Variants in CDS1 observed in about 807,000 individuals in gnomAD.
The protein encoded by CDS1 is phosphatidate cytidylyltransferase 1.
CDS1 carries 41 observed loss-of-function variants against 62.1 expected under a neutral mutation model. That is an observed-to-expected ratio of 0.66 (90% CI 0.51 to 0.86). The LOEUF (loss-of-function observed/expected upper bound fraction) is 0.86. Among genes scored for constraint, CDS1 ranks in the 40% least tolerant of loss-of-function variants. CDS1 has a pLI of 0.00. For missense variants in CDS1, 470 were observed against 550.1 expected (o/e 0.85, Z 1.46); for synonymous variants, 185 against 192.6 (o/e 0.96, Z 0.32).
intron 1 of CDS1, among the ~76,000 whole-genome samples, chr4:84,589,825 T>C (rs968137273): frequency 6.6e-5 from 10 of 152,080 alleles, no homozygotes; most frequent in African/African-American, 2.4e-4. Flanking sequence ...TTTTGTTTTG[T>C]TTTGAGACGG....
intron 7 of CDS1, among the ~76,000 whole-genome samples, chr4:84,635,016 A>G (rs1460324035): frequency 5.3e-5 from 3 of 56,462 alleles, no homozygotes; most frequent in Non-Finnish European, 9.4e-5. Flanking sequence ...GTAGAAATCA[A>G]TAATTTAATA....
At chr4:84,619,807 T>C (rs1224414315) in intron 5 of CDS1, among the ~76,000 whole-genome samples, 1 of 151,740 alleles carries the variant, frequency 6.6e-6, no homozygotes, top group Non-Finnish European at 1.5e-5. Context: ...CTGAGGCAGG[T>C]GGAACATCTG....
intron 1 of CDS1, among the ~76,000 whole-genome samples, chr4:84,601,172 C>CAA (rs59688950): frequency 2.1e-3 from 183 of 88,250 alleles, no homozygotes; most frequent in African/African-American, 7.6e-3. Flanking sequence ...GACCCTGTCT[C>CAA]AAAAAAAAAA....
intron 3 of CDS1, among the ~76,000 whole-genome samples, chr4:84,614,529 T>A (rs1723427425): frequency 1.3e-5 from 2 of 152,148 alleles, no homozygotes; most frequent in Non-Finnish European, 2.9e-5. Context: ...GTGGGAGTAT[T>A]TTCTTAGAAA....
chr4:84,635,680 T>G (rs373822066), intron 8 of CDS1, among the ~76,000 whole-genome samples: 1 of 72,656 alleles, frequency 1.4e-5, no homozygotes, highest in South Asian at 6.0e-4. Context: ...CCTTCCTTCC[T>G]TCCTTCCTTC....
At chr4:84,584,591 T>G (rs1722360026) in intron 1 of CDS1, among the ~76,000 whole-genome samples, 1 of 152,198 alleles carries the variant, frequency 6.6e-6, no homozygotes, top group African/African-American at 2.4e-5. Flanking sequence ...CAGTTCTGAT[T>G]TGGGGAGGAT....
intron 1 of CDS1, among the ~76,000 whole-genome samples, chr4:84,592,293 T>C (rs965146866): frequency 1.3e-4 from 19 of 148,308 alleles, no homozygotes; most frequent in African/African-American, 4.7e-4. Context: ...CACCTCAGCC[T>C]CCCAAGTAGC....
chr4:84,635,214 A>C (rs1724141115), intron 7 of CDS1, 50 bp from the exon 8 acceptor site: 1 of 876,736 alleles, frequency 1.1e-6, no homozygotes, highest in East Asian at 2.4e-5. Flanking sequence ...TCTGCCACTT[A>C]CTCAGGTGAA....
At chr4:84,642,982 A>T (rs974741269) in intron 10 of CDS1, 42 bp from the exon 11 acceptor site, 1 of 1,569,520 alleles carries the variant, frequency 6.4e-7, no homozygotes, top group Non-Finnish European at 8.7e-7. Context: ...ATACAATTTC[A>T]GTGAAATTAG....
chr4:84,637,487 A>G (rs1724249109), intron 8 of CDS1, among the ~76,000 whole-genome samples: 2 of 152,052 alleles, frequency 1.3e-5, no homozygotes, highest in Admixed American at 1.3e-4. Flanking sequence ...CTTTTCAACA[A>G]CCAGATATCA....
chr4:84,606,580 A>G (rs1301683631), intron 2 of CDS1, among the ~76,000 whole-genome samples: 2 of 152,156 alleles, frequency 1.3e-5, no homozygotes, highest in African/African-American at 2.4e-5. Flanking sequence ...ATACCTCTAC[A>G]TTAAACATTT....
At position 84,617,662 on chromosome 4, in the gene CDS1, G is replaced by C. The variant is rs1723539988; in HGVS notation, c.440+1G>C. ...TACCATGGTTTAGAACACTAAGTTGGTAAGTAAGCTTGAAACTATTTCAGA... is the reference window on the plus strand; with the variant it reads ...TACCATGGTTTAGAACACTAAGTTGCTAAGTAAGCTTGAAACTATTTCAGA... On this transcript the variant is annotated splice_donor_variant, in intron 4 of 12. Transcript: ENST00000295887. LOFTEE classifies it high-confidence loss of function. The C allele has an allele frequency of 7.2e-7, 1 of 1,389,826 alleles. No homozygotes were observed. The highest frequency in any genetic ancestry group is 1.4e-5 in the African/African-American group (1 of 69,568). 86.1% of individuals were successfully genotyped at this position (1,389,826 alleles called of 1,614,324 possible).
rs1397798534 is a variant in CDS1 at position 84,649,850 on chromosome 4, C to T, written c.*1164C>T. ...GAAAATCAAGCAGAATTGATTCCTA[C>T]ACGAAAAAAAAGCACACGAATGCCA... On this transcript the variant is annotated 3_prime_UTR_variant, in exon 13 of 13. Transcript: ENST00000295887. The T allele has an allele frequency of 2.0e-5, 3 of 151,706 alleles. No homozygotes were observed. Among genetic ancestry groups the T allele is most frequent in the African/African-American group, 7.3e-5 (3 of 41,066 alleles). 9.4% of individuals were successfully genotyped at this position (151,706 alleles called of 1,614,324 possible).
At chr4:84,635,610 C>T (rs1234778828) in intron 8 of CDS1, among the ~76,000 whole-genome samples, 1 of 97,712 alleles carries the variant, frequency 1.0e-5, no homozygotes, top group Non-Finnish European at 2.1e-5. Flanking sequence ...TGCCTGCCTG[C>T]CTGCCTGCCT....
intron 11 of CDS1, among the ~76,000 whole-genome samples, chr4:84,644,957 GAAA>G (rs1188980317): frequency 6.6e-6 from 1 of 151,992 alleles, no homozygotes; most frequent in Non-Finnish European, 1.5e-5. Flanking sequence ...TTTTATTAAC[GAAA>G]AAAAGTAAGT....
At position 84,604,273 on chromosome 4, in the gene CDS1, T is replaced by C; in HGVS notation, c.148T>C (p.Leu50=). The C allele has an allele frequency of 3.1e-6, 5 of 1,612,268 alleles. No individual in the cohort carries two copies. The highest frequency in any genetic ancestry group is 1.3e-5 in the African/African-American group (1 of 75,002). The change falls in exon 2 of 13, where the codon TTG becomes CTG. Residue 50 remains leucine, a synonymous_variant. Transcript: ENST00000295887. The part of the protein sequence containing the change: ...ETDIDDRYGD[L]DSRTDSDIPE... ...AGATATTGATGACAGATATGGAGATTTGGATTCCAGAACAGATTCTGATAT... is the reference window on the plus strand; with the variant it reads ...AGATATTGATGACAGATATGGAGATCTGGATTCCAGAACAGATTCTGATAT...
In CDS1 at chr4:84,645,344, CA is replaced by C. The variant is rs771631698; in HGVS notation, c.1256+20del. ...TTATAAGGTACTTTTACACTTGAGA[CA>C]TTTTTTAGATGATTTCTTTGAGTTC... is the stretch of plus-strand genomic sequence containing the variant. On this transcript the variant is annotated intron_variant, in intron 12 of 12. Coordinates refer to ENST00000295887, the MANE Select transcript of CDS1 (RefSeq NM_001263.4). 43 of 1,387,824 alleles carry C rather than the reference CA, an allele frequency of 3.1e-5. No homozygotes were observed. In the African/African-American group the frequency reaches 4.7e-4, roughly 15 times the overall value. The allele number at this position is 1,387,824 out of a possible 1,614,324, so 86.0% of individuals were successfully genotyped here.
intron 10 of CDS1, among the ~76,000 whole-genome samples, chr4:84,642,061 C>T (rs1724400670): frequency 6.6e-6 from 1 of 152,198 alleles, no homozygotes; most frequent in African/African-American, 2.4e-5. Context: ...GGCACATTGG[C>T]TTATGCCTGT....
At chr4:84,590,331 C>T in intron 1 of CDS1, among the ~76,000 whole-genome samples, 1 of 152,116 alleles carries the variant, frequency 6.6e-6, no homozygotes, top group East Asian at 1.9e-4. Flanking sequence ...TCCAGGAATA[C>T]TCAAGTTATA....
Sources: gnomAD v4.1 joint callset for allele counts (sites outside exome capture counted in the v4.1 genomes callset) on GRCh38, gnomAD v4.1.1 for gene constraint, MANE v1.5 for transcripts, NCBI Gene and HGNC (gene_info 2026-07-23, HGNC 2026-07-21) for gene names.